Variants in CSMD1 observed in about 807,000 individuals in gnomAD.
CSMD1 encodes the protein CUB and sushi domain-containing protein 1.
Under a neutral mutation model 417.5 loss-of-function variants are expected in CSMD1, and 213 were observed. That is an observed-to-expected ratio of 0.51 (90% confidence interval 0.46 to 0.57). The LOEUF (loss-of-function observed/expected upper bound fraction) is 0.57. Ranked by LOEUF, CSMD1 falls within the 20% of genes least tolerant of loss-of-function variation. The probability of loss-of-function intolerance (pLI) is 0.00; values close to 1 mark genes in which losing one functional copy is unlikely to be tolerated. For synonymous variants in CSMD1, 2,862 were observed against 1,736.8 expected (o/e 1.65, Z -16.11); for missense variants, 6,923 against 4,529.7 (o/e 1.53, Z -15.17).
chr8:3,138,763 G>C (rs968645576), intron 41 of CSMD1, among the ~76,000 whole-genome samples: 25 of 152,224 alleles, frequency 1.6e-4, no homozygotes, highest in Admixed American at 1.6e-3. Context: ...AATCGAGACA[G>C]AGAAAGAACC....
At chr8:4,728,668 T>C (rs1444519218) in intron 1 of CSMD1, among the ~76,000 whole-genome samples, 1 of 152,190 alleles carries the variant, frequency 6.6e-6, no homozygotes, top group Admixed American at 6.5e-5. Flanking sequence ...TTAATATTGC[T>C]TAAGTGGATA....
At chr8:4,434,156 G>A (rs1798021072) in intron 2 of CSMD1, among the ~76,000 whole-genome samples, 2 of 152,112 alleles carry the variant, frequency 1.3e-5, no homozygotes, top group Admixed American at 1.3e-4. Flanking sequence ...TGGCCAACAT[G>A]GTGAAAACCA....
chr8:2,949,079 G>C (rs907640298), intron 68 of CSMD1, among the ~76,000 whole-genome samples: 4 of 151,630 alleles, frequency 2.6e-5, no homozygotes, highest in African/African-American at 9.7e-5. Context: ...ATATAGTGAA[G>C]ATATGATGTC....
intron 2 of CSMD1, among the ~76,000 whole-genome samples, chr8:4,425,021 T>C (rs1255101327): frequency 6.6e-6 from 1 of 152,102 alleles, no homozygotes; most frequent in Non-Finnish European, 1.5e-5. Flanking sequence ...CATTAAATTC[T>C]AAAAGTAAGT....
chr8:4,389,422 A>G (rs1044990311), intron 3 of CSMD1, among the ~76,000 whole-genome samples: 2 of 152,170 alleles, frequency 1.3e-5, no homozygotes, highest in African/African-American at 2.4e-5. Context: ...ACATACGAAA[A>G]TCTCACATAA....
At chr8:3,077,749 A>T (rs1283421971) in intron 49 of CSMD1, among the ~76,000 whole-genome samples, 1 of 152,184 alleles carries the variant, frequency 6.6e-6, no homozygotes, top group African/African-American at 2.4e-5. Flanking sequence ...TCTGCCAGGG[A>T]CTGACATTTT....
At chr8:4,234,043 C>T (rs1801899168) in intron 3 of CSMD1, among the ~76,000 whole-genome samples, 3 of 152,054 alleles carry the variant, frequency 2.0e-5, no homozygotes, top group Admixed American at 2.0e-4. Context: ...TACCATCAGC[C>T]AGTGAAACAG....
At chr8:4,284,229 G>C (rs762388763) in intron 3 of CSMD1, among the ~76,000 whole-genome samples, 2 of 152,108 alleles carry the variant, frequency 1.3e-5, no homozygotes, top group African/African-American at 4.8e-5. Context: ...TTAGCTGGGC[G>C]TGGTGGCACG....
intron 14 of CSMD1, 131 bp from the exon 15 acceptor site, chr8:3,406,352 T>C (rs1252968736): frequency 4.7e-6 from 3 of 642,680 alleles, no homozygotes; most frequent in Non-Finnish European, 7.1e-6. Flanking sequence ...ATTTCAGTTG[T>C]ATCATTCATA....
chr8:3,065,529 T>C (rs976957185), intron 49 of CSMD1, among the ~76,000 whole-genome samples: 3 of 152,004 alleles, frequency 2.0e-5, no homozygotes, highest in Admixed American at 6.6e-5. Flanking sequence ...GGAAGATGGA[T>C]ACACAGATGG....
intron 3 of CSMD1, among the ~76,000 whole-genome samples, chr8:4,168,758 T>C (rs1040209079): frequency 2.6e-5 from 4 of 152,150 alleles, no homozygotes; most frequent in Non-Finnish European, 4.4e-5. Flanking sequence ...AAGTTAGGCT[T>C]TATTTCTTTT....
rs569011058 is a variant in CSMD1, at chr8:4,118,668, G to A, written c.416-86569C>T. 2.6e-5 allele frequency among the ~76,000 whole-genome samples: 4 copies of A among 152,308 alleles called. No homozygotes were observed. The South Asian group carries it at 8.3e-4, about 32-fold the overall frequency. On this transcript the variant is annotated intron_variant, in intron 3 of 69. Coordinates refer to ENST00000635120, the MANE Select transcript of CSMD1 (RefSeq NM_033225.6). ...GGGTGTGTAAATTAGTTCAACCATT[G>A]TGGAAGACAGTGTGGTGATTGCTCA...
chr8:4,008,652 C>T (rs1816319368), intron 4 of CSMD1, among the ~76,000 whole-genome samples: 1 of 134,894 alleles, frequency 7.4e-6, no homozygotes, highest in South Asian at 2.3e-4. Context: ...GCTCTGTCGC[C>T]CAGGCTGGAG....
At chr8:4,644,364 T>A (rs1803383163) in intron 1 of CSMD1, among the ~76,000 whole-genome samples, 1 of 151,968 alleles carries the variant, frequency 6.6e-6, no homozygotes, top group Non-Finnish European at 1.5e-5. Context: ...TTCCAGACAC[T>A]CATATCTCAA....
rs144244937 is a variant in CSMD1 at position 4,828,638 on chromosome 8, C to T, written c.85+165694G>A. Among the ~76,000 whole-genome samples the T allele has an allele frequency of 1.1e-3, 163 of 152,200 alleles. 2 individuals are homozygous for T. Among genetic ancestry groups the T allele is most frequent in the South Asian group, 9.7e-3 (47 of 4,826 alleles). ...GAATCCCTTTCTTTAAAACTGAGAACGTTACTCGGCATGGGGTTGGCAATA... is the reference window on the plus strand; with the variant it reads ...GAATCCCTTTCTTTAAAACTGAGAATGTTACTCGGCATGGGGTTGGCAATA... On this transcript the variant is annotated intron_variant, in intron 1 of 69. Transcript: ENST00000635120.
intron 49 of CSMD1, among the ~76,000 whole-genome samples, chr8:3,061,971 C>T (rs994467003): frequency 1.3e-5 from 2 of 152,082 alleles, no homozygotes; most frequent in African/African-American, 4.8e-5. Flanking sequence ...CTTTCAGTTA[C>T]TCTCCTGTGC....
chr8:4,313,591 G>T (rs1014564144), intron 3 of CSMD1, among the ~76,000 whole-genome samples: 2 of 151,504 alleles, frequency 1.3e-5, no homozygotes, highest in African/African-American at 4.8e-5. Context: ...GGAATTAACT[G>T]TCAATGTGGA....
intron 2 of CSMD1, among the ~76,000 whole-genome samples, chr8:4,447,604 C>G (rs180754104): frequency 6.6e-6 from 1 of 152,328 alleles, no homozygotes; most frequent in African/African-American, 2.4e-5. Context: ...TCATGTAATA[C>G]TTCCCACTTG....
At chr8:4,013,335 T>G (rs1216192381) in intron 4 of CSMD1, among the ~76,000 whole-genome samples, 2 of 152,166 alleles carry the variant, frequency 1.3e-5, no homozygotes, top group African/African-American at 4.8e-5. Flanking sequence ...CGCTGTTGTC[T>G]CAAGGCCAAA....
Sources: gnomAD v4.1 joint callset for allele counts (sites outside exome capture counted in the v4.1 genomes callset) on GRCh38, gnomAD v4.1.1 for gene constraint, MANE v1.5 for transcripts, NCBI Gene and HGNC (gene_info 2026-07-23, HGNC 2026-07-21) for gene names.